AREL1: variants seen among roughly 807,000 people sequenced by gnomAD.
AREL1 encodes the protein apoptosis resistant E3 ubiquitin protein ligase 1, also known as apoptosis-resistant E3 ubiquitin protein ligase 1.
AREL1 carries 62 observed loss-of-function variants against 99.0 expected under a neutral mutation model. The observed-to-expected ratio is 0.63, with a 90% confidence interval of 0.51 to 0.77. The LOEUF is 0.77. Ranked by LOEUF, AREL1 falls within the 30% of genes least tolerant of loss-of-function variation. The pLI is 0.00. For synonymous variants in AREL1, 380 were observed against 376.5 expected, an observed-to-expected ratio of 1.01 and a Z score of -0.11; for missense variants, 879 against 1,027.6, an observed-to-expected ratio of 0.86 and a Z score of 1.98.
In AREL1 at chr14:74,683,474, G is replaced by A. The variant is rs780157590; in HGVS notation, c.303C>T (p.His101=). The change falls in exon 5 of 20, where the codon CAC becomes CAT. Residue 101 remains histidine (H), a synonymous_variant. Coordinates refer to ENST00000356357, the MANE Select transcript of AREL1 (RefSeq NM_001039479.2). ...PAHRPVGLRV[H]ISHVELAVEI... is the part of the protein sequence containing the mutation. ...CCACTGCTAGCTCGACATGAGAGAT[G>A]TGAACTCTTAGTCCCACAGGCCGAT... is the stretch of plus-strand genomic sequence containing the variant. The A allele has an allele frequency of 2.0e-5, 32 of 1,614,126 alleles. No homozygotes were observed. The highest frequency in any genetic ancestry group is 2.6e-5 in the Non-Finnish European group (31 of 1,180,024).
chr14:74,709,787 A>T (rs2090248388), intron 1 of AREL1, among the ~76,000 whole-genome samples: 1 of 152,236 alleles, frequency 6.6e-6, no homozygotes, highest in South Asian at 2.1e-4. Context: ...TGGACAAAAA[A>T]GTGAATCTAC....
rs149245207 is a variant in AREL1 at position 74,713,077 on chromosome 14, G to C, written c.-478C>G. 4.4e-6 allele frequency: 7 copies of C among 1,588,852 alleles called. No homozygotes were observed. Among genetic ancestry groups the C allele is most frequent in the Non-Finnish European group, 6.0e-6 (7 of 1,157,344 alleles). Reference sequence around the variant, plus strand: ...ACCCGGCCTGGGAACCGGCTCGGGGGATTGCCCTTTCCCCAAGGAGTTTCC... The same window carrying C: ...ACCCGGCCTGGGAACCGGCTCGGGGCATTGCCCTTTCCCCAAGGAGTTTCC... On this transcript the variant is annotated 5_prime_UTR_variant, in exon 1 of 20. The change creates a new upstream start codon in the 5' untranslated region. Coordinates refer to ENST00000356357, the MANE Select transcript of AREL1 (RefSeq NM_001039479.2).
chr14:74,692,950 C>T (rs964031609), intron 1 of AREL1, among the ~76,000 whole-genome samples: 7 of 152,138 alleles, frequency 4.6e-5, no homozygotes, highest in African/African-American at 1.7e-4. Context: ...CTCAAGAAAT[C>T]CTCCTGCCTT....
rs766856577 is a variant in AREL1, at chr14:74,676,650, T to C, written c.584A>G (p.Tyr195Cys). 1.2e-5 allele frequency: 19 copies of C among 1,614,074 alleles called. No homozygotes were observed. The highest frequency in any genetic ancestry group is 1.6e-5 in the Non-Finnish European group (19 of 1,179,980). The change falls in exon 6 of 20, where the codon TAT becomes TGT. Residue 195 changes from tyrosine to cysteine, a missense_variant. Transcript: ENST00000356357. ...HTLQIVPRDEYDNPTNNSMSL... is the reference protein window; with the variant it reads ...HTLQIVPRDECDNPTNNSMSL... ...CATGGAATTGTTGGTGGGATTATCA[T>C]ACTCATCTCGGGGTACTATTTGAAG...
At chr14:74,710,856 G>C (rs1181476851) in intron 1 of AREL1, among the ~76,000 whole-genome samples, 1 of 152,198 alleles carries the variant, frequency 6.6e-6, no homozygotes, top group Non-Finnish European at 1.5e-5. Flanking sequence ...ATCACCCTGC[G>C]ATTGAGCATC....
At chr14:74,681,839 T>C (rs1313916089) in intron 5 of AREL1, among the ~76,000 whole-genome samples, 3 of 149,946 alleles carry the variant, frequency 2.0e-5, no homozygotes, top group Non-Finnish European at 4.4e-5. Context: ...AAGGGCAACA[T>C]AAGGGATCCT....
At chr14:74,686,199 G>C (rs1242183908) in intron 2 of AREL1, among the ~76,000 whole-genome samples, 1 of 152,110 alleles carries the variant, frequency 6.6e-6, no homozygotes, top group Non-Finnish European at 1.5e-5. Flanking sequence ...GGGTCTGAAA[G>C]TGAAGTCATT....
At chr14:74,709,164 C>T (rs1466887002) in intron 1 of AREL1, among the ~76,000 whole-genome samples, 9 of 152,198 alleles carry the variant, frequency 5.9e-5, no homozygotes. Flanking sequence ...CGGTCAGGCA[C>T]AGTGGCTCAT....
chr14:74,681,124 T>C (rs2089618392), intron 5 of AREL1, among the ~76,000 whole-genome samples: 1 of 152,132 alleles, frequency 6.6e-6, no homozygotes. Context: ...AGGTCAAGGC[T>C]ACAGTGAGCC....
chr14:74,673,657 CAACA>C (rs1391757435), intron 9 of AREL1, among the ~76,000 whole-genome samples: 8 of 152,202 alleles, frequency 5.3e-5, no homozygotes, highest in Admixed American at 6.5e-5. Flanking sequence ...GAAAAGTTAA[CAACA>C]AACAAACAAT....
chr14:74,677,235 G>A (rs964371835), intron 5 of AREL1, among the ~76,000 whole-genome samples: 2 of 151,288 alleles, frequency 1.3e-5, no homozygotes, highest in South Asian at 2.1e-4. Flanking sequence ...TGGCTCACAC[G>A]TGTAATCCCA....
intron 15 of AREL1, among the ~76,000 whole-genome samples, chr14:74,668,005 A>T (rs900305939): frequency 6.6e-6 from 1 of 152,256 alleles, no homozygotes; most frequent in Non-Finnish European, 1.5e-5. Flanking sequence ...CAGAAATTCC[A>T]AGATGGGAAC....
In AREL1 at chr14:74,674,100, CACTGAGAATT is replaced by C; in HGVS notation, c.1082_1091del (p.Gln361ArgfsTer6). ...GGATGATCTTCAGGTAGAACTCCTT[CACTGAGAATT>C]GCTGGAGGACCAACAGACAGGAAAT... On this transcript the variant is annotated frameshift_variant and splice_region_variant, in exon 9 of 20. Transcript: ENST00000356357. LOFTEE classifies it high-confidence loss of function. 1.2e-6 allele frequency: 2 copies of C among 1,613,602 alleles called. No homozygotes were observed. The highest frequency in any genetic ancestry group is 2.2e-5 in the South Asian group (2 of 91,030).
intron 1 of AREL1, among the ~76,000 whole-genome samples, chr14:74,702,018 T>A (rs907550038): frequency 2.0e-5 from 3 of 152,194 alleles, no homozygotes; most frequent in African/African-American, 7.2e-5. Flanking sequence ...GGCAGCTCCA[T>A]CCCTGTGGCT....
intron 11 of AREL1, 70 bp from the exon 12 acceptor site, chr14:74,671,553 C>A: frequency 9.8e-6 from 10 of 1,022,362 alleles, no homozygotes; most frequent in Non-Finnish European, 1.5e-5. Context: ...AAAGACAACA[C>A]AAGAGCACTG....
At chr14:74,688,622 A>T (rs1362875823) in intron 2 of AREL1, among the ~76,000 whole-genome samples, 1 of 152,130 alleles carries the variant, frequency 6.6e-6, no homozygotes, top group East Asian at 1.9e-4. Context: ...TCATGACCAG[A>T]GAGTTAGTTC....
chr14:74,669,875 C>T (rs369659712), intron 14 of AREL1, 72 bp downstream of exon 14: 1 of 1,579,658 alleles, frequency 6.3e-7, no homozygotes, highest in African/African-American at 1.4e-5. Context: ...AAATTATTTA[C>T]AAGCCCAGGA....
At chr14:74,711,500 G>A (rs756993224) in intron 1 of AREL1, among the ~76,000 whole-genome samples, 11 of 151,996 alleles carry the variant, frequency 7.2e-5, no homozygotes, top group African/African-American at 1.2e-4. Flanking sequence ...CCGAGATTGC[G>A]CCACTGCACT....
intron 1 of AREL1, among the ~76,000 whole-genome samples, chr14:74,708,787 G>A (rs1313465643): frequency 6.6e-6 from 1 of 152,112 alleles, no homozygotes; most frequent in Non-Finnish European, 1.5e-5. Context: ...ATATGGAACC[G>A]TTCAATTAGA....
Sources: allele counts gnomAD v4.1 joint callset (sites outside exome capture counted in the v4.1 genomes callset), GRCh38; gene constraint gnomAD v4.1.1; transcripts MANE v1.5; gene names NCBI Gene and HGNC (gene_info 2026-07-23, HGNC 2026-07-21).